Variants in PGM2L1 observed in about 807,000 individuals in gnomAD.
PGM2L1 encodes the protein phosphoglucomutase 2 like 1, also known as glucose 1,6-bisphosphate synthase.
In PGM2L1, 35 loss-of-function variants were observed where a neutral mutation model predicts 73.4. The observed-to-expected ratio is 0.48, with a 90% CI of 0.36 to 0.63. The LOEUF (loss-of-function observed/expected upper bound fraction) is 0.63. PGM2L1 is among the 30% of genes least tolerant of loss of function. The pLI, the probability that PGM2L1 is intolerant of heterozygous loss-of-function variation, is 0.00. For missense variants in PGM2L1, 570 were observed against 742.0 expected (o/e 0.77, Z 2.69); for synonymous variants, 225 against 253.8 (o/e 0.89, Z 1.08).
chr11:74,332,825 C>T lies in PGM2L1; in HGVS notation c.*3827G>A, dbSNP rs1204718973. ...CTCTTAGAACCTCTCCATCTGCTAA[C>T]GTATCTACATCAAAATAACAACATA... On this transcript the variant is annotated 3_prime_UTR_variant, in exon 14 of 14. Coordinates refer to ENST00000298198, the MANE Select transcript of PGM2L1 (RefSeq NM_173582.6). The T allele has an allele frequency of 1.3e-5, 2 of 152,510 alleles. No individual in the cohort carries two copies. The highest frequency in any genetic ancestry group is 1.9e-4 in the East Asian group (1 of 5,206). 9.4% of individuals were successfully genotyped at this position (152,510 alleles called of 1,614,324 possible). A position where few individuals can be genotyped will look rare whatever the true frequency, so the allele number is the denominator to read the frequency against.
chr11:74,385,532 A>G (rs1863005805), intron 1 of PGM2L1, among the ~76,000 whole-genome samples: 1 of 152,166 alleles, frequency 6.6e-6, no homozygotes, highest in African/African-American at 2.4e-5. Flanking sequence ...TATACCAGAA[A>G]TGTTCTCATA....
intron 1 of PGM2L1, among the ~76,000 whole-genome samples, chr11:74,379,633 CCAAATTCAGG>C (rs1291347931): frequency 2.6e-5 from 4 of 151,816 alleles, no homozygotes; most frequent in East Asian, 1.9e-4. Flanking sequence ...ATTAAAAATC[CCAAATTCAGG>C]CTGGGCGCGG....
chr11:74,364,369 A>C (rs1218126393), intron 5 of PGM2L1, among the ~76,000 whole-genome samples: 1 of 152,222 alleles, frequency 6.6e-6, no homozygotes. Flanking sequence ...GGCCAGGGCA[A>C]TCAGGCAGGA....
chr11:74,352,092 CTT>C (rs1862366932), intron 5 of PGM2L1, among the ~76,000 whole-genome samples: 1 of 151,928 alleles, frequency 6.6e-6, no homozygotes, highest in South Asian at 2.1e-4. Context: ...TACAGGGACT[CTT>C]CAATCAAATG....
intron 4 of PGM2L1, among the ~76,000 whole-genome samples, chr11:74,369,961 G>C (rs1174560952): frequency 6.6e-6 from 1 of 151,822 alleles, no homozygotes. Flanking sequence ...TGGTCAGGCT[G>C]GTCTCAAACT....
chr11:74,357,243 G>A (rs1471571844), intron 5 of PGM2L1, among the ~76,000 whole-genome samples: 1 of 152,172 alleles, frequency 6.6e-6, no homozygotes, highest in Non-Finnish European at 1.5e-5. Flanking sequence ...TTTCTGCTCT[G>A]CAAAAGGCAC....
intron 1 of PGM2L1, among the ~76,000 whole-genome samples, chr11:74,385,759 C>T (rs1863009604): frequency 6.6e-6 from 1 of 151,892 alleles, no homozygotes; most frequent in African/African-American, 2.4e-5. Flanking sequence ...GCATAAAAAC[C>T]ACCAAGAAAG....
intron 5 of PGM2L1, chr11:74,355,374 C>T (rs1180619154): frequency 1.6e-6 from 1 of 631,146 alleles, no homozygotes; most frequent in African/African-American, 1.8e-5. Context: ...GCCAATGTGA[C>T]AAACCCCGTC....
chr11:74,335,126 C>CT lies in PGM2L1; in HGVS notation c.*1525dup, dbSNP rs531316190. On this transcript the variant is annotated 3_prime_UTR_variant, in exon 14 of 14. Coordinates refer to ENST00000298198, the MANE Select transcript of PGM2L1 (RefSeq NM_173582.6). ...AGACTGCATGATTAGCCAAAAGTGA[C>CT]TTTTTTTTTTTTTGAGATGGAGTCT... The CT allele has an allele frequency of 2.2e-3, 311 of 142,700 alleles. No homozygotes were observed. Among genetic ancestry groups the CT allele is most frequent in the South Asian group, 0.017 (75 of 4,426 alleles). The allele number at this position is 142,700 out of a possible 1,614,324, so 8.8% of individuals were successfully genotyped here.
In PGM2L1 at chr11:74,331,623, G is replaced by C. The variant is rs980612473; in HGVS notation, c.*5029C>G. On this transcript the variant is annotated 3_prime_UTR_variant, in exon 14 of 14. Coordinates refer to ENST00000298198, the MANE Select transcript of PGM2L1 (RefSeq NM_173582.6). ...AGCTCAAGGACTTGCCTCCACTGGG[G>C]GTGAGGGCACTGGGGGAGAAAACTG... 4 of 152,254 alleles carry C rather than the reference G, an allele frequency of 2.6e-5. No individual in the cohort carries two copies. The highest frequency in any genetic ancestry group is 9.7e-5 in the African/African-American group (4 of 41,424). The allele number at this position is 152,254 out of a possible 1,614,324, so 9.4% of individuals were successfully genotyped here.
At chr11:74,397,773 A>C (rs935428622) in intron 1 of PGM2L1, 25 of 256,388 alleles carry the variant, frequency 9.8e-5, no homozygotes, top group African/African-American at 5.9e-4. Flanking sequence ...TTGAAGAAAG[A>C]GGGAAGACAG....
At chr11:74,352,324 T>C (rs938320807) in intron 5 of PGM2L1, among the ~76,000 whole-genome samples, 2 of 152,156 alleles carry the variant, frequency 1.3e-5, no homozygotes, top group South Asian at 2.1e-4. Context: ...TTATGTGATA[T>C]AGAAAAAAGT....
chr11:74,376,551 A>T (rs192436202), intron 1 of PGM2L1, among the ~76,000 whole-genome samples: 1 of 151,316 alleles, frequency 6.6e-6, no homozygotes, highest in East Asian at 1.9e-4. Flanking sequence ...TAGTATGTAT[A>T]TATATCTAAT....
At chr11:74,390,794 CTT>C (rs985588252) in intron 1 of PGM2L1, among the ~76,000 whole-genome samples, 4 of 152,152 alleles carry the variant, frequency 2.6e-5, no homozygotes, top group Non-Finnish European at 5.9e-5. Context: ...AAAATGAAAT[CTT>C]GTCTTCAACA....
chr11:74,380,053 C>T (rs1862915662), intron 1 of PGM2L1, among the ~76,000 whole-genome samples: 1 of 152,170 alleles, frequency 6.6e-6, no homozygotes, highest in Non-Finnish European at 1.5e-5. Context: ...ATGTTACTGA[C>T]AGAGACTTGT....
intron 3 of PGM2L1, 104 bp downstream of exon 3, chr11:74,371,607 A>G (rs1054661735): frequency 5.1e-5 from 42 of 829,236 alleles, no homozygotes; most frequent in Non-Finnish European, 7.5e-5. Flanking sequence ...TCACATTTCT[A>G]TCTGACAGTC....
chr11:74,371,372 T>C (rs1198250069), intron 3 of PGM2L1, among the ~76,000 whole-genome samples: 7 of 152,172 alleles, frequency 4.6e-5, no homozygotes, highest in Admixed American at 1.3e-4. Flanking sequence ...TATCTATTTA[T>C]AAAAACACCC....
intron 9 of PGM2L1, among the ~76,000 whole-genome samples, chr11:74,345,186 AT>A (rs1052176794): frequency 6.6e-6 from 1 of 152,158 alleles, no homozygotes; most frequent in African/African-American, 2.4e-5. Flanking sequence ...CAGGAGCTAT[AT>A]TTTCCCTGTC....
At chr11:74,391,088 A>C (rs573173103) in intron 1 of PGM2L1, among the ~76,000 whole-genome samples, 1 of 152,208 alleles carries the variant, frequency 6.6e-6, no homozygotes, top group African/African-American at 2.4e-5. Context: ...AGTTGGCTTC[A>C]TTTTTAGACC....
Sources: allele counts gnomAD v4.1 joint callset (sites outside exome capture counted in the v4.1 genomes callset), GRCh38; gene constraint gnomAD v4.1.1; transcripts MANE v1.5; gene names NCBI Gene and HGNC (gene_info 2026-07-23, HGNC 2026-07-21).